Variants in OPCML observed in about 807,000 individuals in gnomAD.
The protein encoded by OPCML is opioid-binding protein/cell adhesion molecule.
In OPCML, 13 loss-of-function variants were observed where a neutral mutation model predicts 37.8. The ratio of observed to expected loss-of-function variants is 0.34; its 90% confidence interval spans 0.22 to 0.55. The LOEUF (loss-of-function observed/expected upper bound fraction) is 0.55, where lower values mean the gene tolerates loss of function less well. Ranked by LOEUF, OPCML falls within the 20% of genes least tolerant of loss-of-function variation. The pLI is 0.91. For synonymous variants in OPCML, 176 were observed against 168.8 expected (o/e 1.04, Z -0.33); for missense variants, 341 against 435.6 (o/e 0.78, Z 1.93).
chr11:132,765,962 C>T (rs994517343), intron 2 of OPCML, among the ~76,000 whole-genome samples: 1 of 152,122 alleles, frequency 6.6e-6, no homozygotes, highest in African/African-American at 2.4e-5. Flanking sequence ...ATAATGAGCA[C>T]ACATCAAAAT....
At chr11:133,367,768 T>G (rs1043013857) in intron 1 of OPCML, among the ~76,000 whole-genome samples, 28 of 152,200 alleles carry the variant, frequency 1.8e-4, no homozygotes, top group African/African-American at 6.8e-4. Flanking sequence ...CTGGCCCTTC[T>G]TCCACCACAC....
chr11:133,282,609 AC>A (rs1358150762), intron 1 of OPCML, among the ~76,000 whole-genome samples: 1 of 152,158 alleles, frequency 6.6e-6, no homozygotes, highest in Non-Finnish European at 1.5e-5. Flanking sequence ...CCACCAGGGA[AC>A]TGCCTAGTGG....
intron 1 of OPCML, among the ~76,000 whole-genome samples, chr11:132,989,600 AGCGTGTGTGTGT>A (rs1198487424): frequency 1.6e-5 from 2 of 121,874 alleles, no homozygotes; most frequent in Non-Finnish European, 3.3e-5. Context: ...AAGGTCCTAG[AGCGTGTGTGTGT>A]GTGTGTGTGT....
intron 2 of OPCML, among the ~76,000 whole-genome samples, chr11:132,915,590 C>G (rs1944578877): frequency 6.6e-6 from 1 of 152,026 alleles, no homozygotes; most frequent in Non-Finnish European, 1.5e-5. Flanking sequence ...CCAAAAGACT[C>G]ACACATTGAT....
At chr11:133,342,103 G>A (rs958344840) in intron 1 of OPCML, among the ~76,000 whole-genome samples, 5 of 152,084 alleles carry the variant, frequency 3.3e-5, no homozygotes, top group Non-Finnish European at 5.9e-5. Context: ...ACAGCTTTGA[G>A]GCTTCCATGT....
At chr11:132,751,448 G>A (rs1945829487) in intron 2 of OPCML, among the ~76,000 whole-genome samples, 1 of 152,162 alleles carries the variant, frequency 6.6e-6, no homozygotes, top group South Asian at 2.1e-4. Context: ...AAACCTTGAG[G>A]AGATTTCAGT....
intron 1 of OPCML, among the ~76,000 whole-genome samples, chr11:133,114,865 C>T (rs550861897): frequency 3.3e-5 from 5 of 152,044 alleles, no homozygotes; most frequent in Admixed American, 6.6e-5. Flanking sequence ...AAAGAGATAC[C>T]GAGAAAGAAT....
At chr11:132,745,177 G>A (rs2136050144) in intron 2 of OPCML, among the ~76,000 whole-genome samples, 1 of 152,266 alleles carries the variant, frequency 6.6e-6, no homozygotes, top group South Asian at 2.1e-4. Context: ...AGCTAGAGAT[G>A]ATTTCTTCAG....
chr11:132,599,267 C>A (rs1169336864), intron 3 of OPCML, among the ~76,000 whole-genome samples: 1 of 151,550 alleles, frequency 6.6e-6, no homozygotes, highest in African/African-American at 2.4e-5. Context: ...GCCTGGGTGA[C>A]AGACCAAGTC....
rs1945654677 is a variant in OPCML at position 132,943,442 on chromosome 11, C to G, written c.62-432G>C. On this transcript the variant is annotated intron_variant, in intron 1 of 7. Transcript: ENST00000524381. The surrounding 1 kb of genome is among the most constrained non-coding windows in gnomAD (Gnocchi z 4.3). ...GCTTTCTCTGCCTCTCTCTTCGAGA[C>G]GCTACTTTAAGATTCAGTTGGGCAC... 1 of 337,928 alleles carries G rather than the reference C, an allele frequency of 3.0e-6. No homozygotes were observed. Among genetic ancestry groups the G allele is most frequent in the Admixed American group, 4.0e-5 (1 of 25,262 alleles). 20.9% of individuals were successfully genotyped at this position (337,928 alleles called of 1,614,324 possible). A position where few individuals can be genotyped will look rare whatever the true frequency, so the allele number is the denominator to read the frequency against.
intron 1 of OPCML, among the ~76,000 whole-genome samples, chr11:133,415,184 C>T (rs146701195): frequency 0.014 from 2,112 of 152,044 alleles, 41 homozygotes; most frequent in African/African-American, 0.048. Flanking sequence ...CCGAGGCGGG[C>T]GGATCACGAG....
intron 2 of OPCML, among the ~76,000 whole-genome samples, chr11:132,871,777 C>T (rs1368790014): frequency 6.6e-6 from 1 of 152,246 alleles, no homozygotes; most frequent in Non-Finnish European, 1.5e-5. Context: ...CTGTCTTCAG[C>T]TTTGCAGAAT....
chr11:133,217,993 C>T (rs1939656315), intron 1 of OPCML, among the ~76,000 whole-genome samples: 1 of 151,356 alleles, frequency 6.6e-6, no homozygotes, highest in African/African-American at 2.4e-5. Flanking sequence ...CTGCAATGAG[C>T]TATGATCCTG....
chr11:132,956,077 T>C (rs1945972583), intron 1 of OPCML, among the ~76,000 whole-genome samples: 1 of 152,246 alleles, frequency 6.6e-6, no homozygotes, highest in East Asian at 1.9e-4. Context: ...TCAAGATTCA[T>C]GTGCCAAATA....
chr11:132,684,628 T>C (rs1046565687), intron 2 of OPCML, among the ~76,000 whole-genome samples: 4 of 152,332 alleles, frequency 2.6e-5, no homozygotes, highest in South Asian at 4.1e-4. Context: ...ATAAAACCAA[T>C]GGATTCATTA....
At chr11:132,524,214 C>T (rs2096302015) in intron 4 of OPCML, among the ~76,000 whole-genome samples, 1 of 152,198 alleles carries the variant, frequency 6.6e-6, no homozygotes, top group Admixed American at 6.5e-5. Flanking sequence ...GCTGGCCCAG[C>T]TTCCCTTCTC....
At chr11:133,098,259 A>T (rs1047398826) in intron 1 of OPCML, among the ~76,000 whole-genome samples, 3 of 138,648 alleles carry the variant, frequency 2.2e-5, no homozygotes, top group Non-Finnish European at 3.0e-5. Context: ...TCTGTCACCC[A>T]GTCTGGAGTG....
intron 1 of OPCML, among the ~76,000 whole-genome samples, chr11:133,512,955 T>C (rs1948191361): frequency 6.6e-6 from 1 of 152,190 alleles, no homozygotes; most frequent in Non-Finnish European, 1.5e-5. Context: ...TTTCAAGAAG[T>C]CAATGAGCAA....
rs80091267 is a variant in OPCML, at chr11:133,123,772, C to G, written c.62-180762G>C. Among the ~76,000 whole-genome samples the G allele has an allele frequency of 6.9e-3, 1,051 of 152,112 alleles. 10 individuals carry two copies. Among genetic ancestry groups the G allele is most frequent in the African/African-American group, 0.024 (1,012 of 41,514 alleles). On this transcript the variant is annotated intron_variant, in intron 1 of 7. Coordinates refer to ENST00000524381, the MANE Select transcript of OPCML (RefSeq NM_001012393.5). ...GTGGTTGTTCATTCGGATTCAGCAC[C>G]CTGGTGCTTTAAGGGGTTATGGGGT...
Sources: allele counts gnomAD v4.1 joint callset (sites outside exome capture counted in the v4.1 genomes callset), GRCh38; gene constraint gnomAD v4.1.1; non-coding constraint Gnocchi (gnomAD v3.1); transcripts MANE v1.5; gene names NCBI Gene and HGNC (gene_info 2026-07-23, HGNC 2026-07-21).